RERE: variants seen among roughly 807,000 people sequenced by gnomAD.
The protein encoded by RERE is arginine-glutamic acid dipeptide repeats, also known as arginine-glutamic acid dipeptide repeats protein.
A neutral mutation model predicts 146.1 loss-of-function variants in RERE; 40 were observed. The ratio of observed to expected loss-of-function variants is 0.27; its 90% CI spans 0.21 to 0.36. The LOEUF (loss-of-function observed/expected upper bound fraction) is 0.36, where lower values mean the gene tolerates loss of function less well. Ranked by LOEUF, RERE falls within the 10% of genes least tolerant of loss-of-function variation. RERE has a pLI of 1.00. For missense variants in RERE, 1,933 were observed against 2,138.7 expected, an observed-to-expected ratio of 0.90 and a Z score of 1.90; for synonymous variants, 1,003 against 866.0, an observed-to-expected ratio of 1.16 and a Z score of -2.78.
intron 10 of RERE, among the ~76,000 whole-genome samples, chr1:8,493,095 A>T (rs1287216595): frequency 6.6e-6 from 1 of 152,188 alleles, no homozygotes. Flanking sequence ...AAGAAAAAAC[A>T]ACAACAAACA....
At chr1:8,666,332 GTAT>G (rs1304638293) in intron 1 of RERE, among the ~76,000 whole-genome samples, 1 of 152,178 alleles carries the variant, frequency 6.6e-6, no homozygotes, top group Non-Finnish European at 1.5e-5. Flanking sequence ...CATTTATTGT[GTAT>G]CCAAAAAATG....
chr1:8,624,243 G>A, intron 3 of RERE, 67 bp downstream of exon 3: 1 of 1,235,966 alleles, frequency 8.1e-7, no homozygotes, highest in Admixed American at 1.7e-5. Context: ...AACAATAAGA[G>A]ATAGCCAATG....
chr1:8,388,476 C>T (rs909383165), intron 12 of RERE, among the ~76,000 whole-genome samples: 5 of 152,128 alleles, frequency 3.3e-5, no homozygotes, highest in Admixed American at 1.3e-4. Flanking sequence ...CCCGCCACCG[C>T]GCCCGGCTAA....
intron 2 of RERE, among the ~76,000 whole-genome samples, chr1:8,647,054 C>A (rs1186197177): frequency 6.6e-6 from 1 of 152,206 alleles, no homozygotes. Context: ...CCATAGCACA[C>A]CATCCTGGGC....
At chr1:8,490,116 A>C (rs958090587) in intron 10 of RERE, among the ~76,000 whole-genome samples, 1 of 151,814 alleles carries the variant, frequency 6.6e-6, no homozygotes, top group Non-Finnish European at 1.5e-5. Context: ...TAATCCCAGC[A>C]CTTTGGGAGG....
Position 8,519,486 on chromosome 1 carries a change from T to G in RERE, c.831-10811A>C, listed in dbSNP as rs79651125. On this transcript the variant is annotated intron_variant, in intron 7 of 22. Coordinates refer to ENST00000400908, the MANE Select transcript of RERE (RefSeq NM_001042681.2). ...ACCCAGGTTTTGTTTGCTCTGTGATTTTGAGGACACAATTAAATCTAATTC... is the reference window on the plus strand; with the variant it reads ...ACCCAGGTTTTGTTTGCTCTGTGATGTTGAGGACACAATTAAATCTAATTC... Among the ~76,000 whole-genome samples, 1,216 of 152,308 alleles carry G rather than the reference T, an allele frequency of 8.0e-3. 13 individuals carry two copies. Among genetic ancestry groups the G allele is most frequent in the African/African-American group, 0.028 (1,162 of 41,558 alleles).
At chr1:8,437,170 C>G (rs1401004325) in intron 11 of RERE, among the ~76,000 whole-genome samples, 1 of 152,218 alleles carries the variant, frequency 6.6e-6, no homozygotes, top group Non-Finnish European at 1.5e-5. Flanking sequence ...ACAAGGGAAA[C>G]TGAAGACCTC....
intron 11 of RERE, among the ~76,000 whole-genome samples, chr1:8,449,918 C>T (rs1413871029): frequency 6.6e-6 from 1 of 152,328 alleles, no homozygotes; most frequent in South Asian, 2.1e-4. Context: ...TGCTTCTACC[C>T]TGAAGGAGTC....
At chr1:8,745,515 C>A (rs1336032048) in intron 1 of RERE, among the ~76,000 whole-genome samples, 1 of 152,162 alleles carries the variant, frequency 6.6e-6, no homozygotes, top group Non-Finnish European at 1.5e-5. Context: ...CCATTCCATT[C>A]CAGACCACCG....
intron 1 of RERE, among the ~76,000 whole-genome samples, chr1:8,695,527 A>C (rs1639308296): frequency 7.0e-6 from 1 of 143,600 alleles, no homozygotes; most frequent in African/African-American, 2.6e-5. Flanking sequence ...AGGGGGGCGG[A>C]TCACCTGAGG....
intron 1 of RERE, among the ~76,000 whole-genome samples, chr1:8,671,241 A>G (rs887956853): frequency 2.0e-5 from 3 of 152,244 alleles, no homozygotes; most frequent in African/African-American, 7.2e-5. Context: ...AATGAATATT[A>G]TGGACAGGCC....
intron 1 of RERE, among the ~76,000 whole-genome samples, chr1:8,702,500 A>T (rs942708620): frequency 1.3e-5 from 2 of 152,214 alleles, no homozygotes; most frequent in Non-Finnish European, 2.9e-5. Context: ...ACGTAAAACA[A>T]TCGTCAAGAG....
chr1:8,543,840 G>T (rs1373619128), intron 6 of RERE, among the ~76,000 whole-genome samples: 1 of 152,200 alleles, frequency 6.6e-6, no homozygotes, highest in Non-Finnish European at 1.5e-5. Flanking sequence ...TCTGATAAAT[G>T]ATTATGAAGT....
intron 7 of RERE, among the ~76,000 whole-genome samples, chr1:8,523,130 G>T (rs550710037): frequency 6.6e-6 from 1 of 152,292 alleles, no homozygotes; most frequent in Admixed American, 6.5e-5. Flanking sequence ...GGTCAAGGCT[G>T]CAGTGAGCTG....
chr1:8,542,307 C>A (rs1034090084), intron 6 of RERE, among the ~76,000 whole-genome samples: 26 of 152,170 alleles, frequency 1.7e-4, no homozygotes, highest in Non-Finnish European at 2.6e-4. Context: ...AGCCGTGCAG[C>A]ATACTTCCAG....
chr1:8,668,608 C>T (rs1197518773), intron 1 of RERE, among the ~76,000 whole-genome samples: 2 of 152,022 alleles, frequency 1.3e-5, no homozygotes, highest in Non-Finnish European at 2.9e-5. Context: ...TATACATACA[C>T]ACAATAAAAT....
chr1:8,480,304 T>C (rs141686571), intron 10 of RERE, among the ~76,000 whole-genome samples: 4,250 of 151,744 alleles, frequency 0.028, 170 homozygotes, highest in African/African-American at 0.097. Context: ...CACACCCGAC[T>C]AATTTTTGTA....
At chr1:8,493,007 AAGCCTGCAGTG>A (rs778977356) in intron 10 of RERE, among the ~76,000 whole-genome samples, 30 of 152,250 alleles carry the variant, frequency 2.0e-4, no homozygotes, top group Non-Finnish European at 3.8e-4. Flanking sequence ...CTGGGAGGTC[AAGCCTGCAGTG>A]AGCCTGCAGT....
chr1:8,570,924 G>C (rs1218161634), intron 4 of RERE, among the ~76,000 whole-genome samples: 1 of 152,180 alleles, frequency 6.6e-6, no homozygotes, highest in Non-Finnish European at 1.5e-5. Flanking sequence ...TTCCAGTAGA[G>C]AGCAGAAGTT....
Sources: allele counts gnomAD v4.1 joint callset (sites outside exome capture counted in the v4.1 genomes callset), GRCh38; gene constraint gnomAD v4.1.1; transcripts MANE v1.5; gene names NCBI Gene and HGNC (gene_info 2026-07-23, HGNC 2026-07-21).